ULBP2: variants seen among roughly 807,000 people sequenced by gnomAD.
The protein encoded by ULBP2 is UL16 binding protein 2, also known as UL16-binding protein 2.
ULBP2 carries 21 observed loss-of-function variants against 23.6 expected under a neutral mutation model. The ratio of observed to expected loss-of-function variants is 0.89; its 90% CI spans 0.63 to 1.28. ULBP2 has a LOEUF of 1.28. Ranked by LOEUF, ULBP2 falls within the 50% of genes most tolerant of loss-of-function variation. The probability of loss-of-function intolerance (pLI) is 0.00; values close to 1 mark genes in which losing one functional copy is unlikely to be tolerated. For synonymous variants in ULBP2, 82 were observed against 112.8 expected, an observed-to-expected ratio of 0.73 and a Z score of 1.73; for missense variants, 251 against 306.0, an observed-to-expected ratio of 0.82 and a Z score of 1.34.
At chr6:149,942,189 G>A (rs750824231) in intron 1 of ULBP2, 32 bp downstream of exon 1, 1 of 1,606,618 alleles carries the variant, frequency 6.2e-7, no homozygotes, top group African/African-American at 1.3e-5. Context: ...AAGCCGGGCG[G>A]GGACCAAGCC....
At chr6:149,945,799 G>A (rs1332819751) in intron 2 of ULBP2, among the ~76,000 whole-genome samples, 5 of 152,160 alleles carry the variant, frequency 3.3e-5, no homozygotes, top group African/African-American at 1.2e-4. Context: ...AAATTAGCCA[G>A]GCATGGTGGC....
chr6:149,942,224 T>C (rs1217408393), intron 1 of ULBP2, 67 bp downstream of exon 1: 1 of 1,530,852 alleles, frequency 6.5e-7, no homozygotes, highest in Non-Finnish European at 8.8e-7. Flanking sequence ...CTGCCGCGGG[T>C]TTCAGAGGAG....
chr6:149,943,474 G>A (rs1470612385), intron 1 of ULBP2, among the ~76,000 whole-genome samples: 4 of 152,124 alleles, frequency 2.6e-5, no homozygotes, highest in East Asian at 1.9e-4. Flanking sequence ...GTGCAGCCAC[G>A]TGGTGTCCTG....
Position 149,945,423 on chromosome 6 carries a change from G to A in ULBP2, c.200G>A (p.Gly67Asp), listed in dbSNP as rs137925921. ...DEKTFLHYDC[G>D]NKTVTPVSPL... ...AAGACTTTTCTTCACTATGACTGTGGCAACAAGACAGTCACACCTGTCAGT... is the reference window on the plus strand; with the variant it reads ...AAGACTTTTCTTCACTATGACTGTGACAACAAGACAGTCACACCTGTCAGT... The change falls in exon 2 of 5, where the codon GGC becomes GAC. Residue 67 changes from glycine to aspartate, a missense_variant. Gly to Asp is a moderately conservative substitution (Grantham distance 94). Transcript: ENST00000367351. 7.5e-5 allele frequency: 121 copies of A among 1,613,906 alleles called. No individual in the cohort carries two copies. In the African/African-American group the frequency reaches 1.3e-3, roughly 17 times the overall value.
intron 1 of ULBP2, among the ~76,000 whole-genome samples, chr6:149,944,572 G>A: frequency 7.6e-6 from 1 of 132,202 alleles, no homozygotes; most frequent in African/African-American, 3.3e-5. Context: ...CCTTCTCATG[G>A]GGCCTTCTTT....
At chr6:149,942,509 G>C (rs1778878635) in intron 1 of ULBP2, among the ~76,000 whole-genome samples, 1 of 152,094 alleles carries the variant, frequency 6.6e-6, no homozygotes. Context: ...CTGGGGACAG[G>C]ACAGGGGTGA....
At chr6:149,944,922 C>T (rs1778911362) in intron 1 of ULBP2, among the ~76,000 whole-genome samples, 1 of 145,834 alleles carries the variant, frequency 6.9e-6, no homozygotes, top group Non-Finnish European at 1.5e-5. Context: ...CAGGGGTGGA[C>T]CCACACCCTC....
intron 2 of ULBP2, 81 bp downstream of exon 2, chr6:149,945,653 C>T: frequency 6.2e-7 from 1 of 1,611,608 alleles, no homozygotes; most frequent in East Asian, 2.2e-5. Context: ...TGTAAAAATA[C>T]AAAAGGGTCC....
intron 4 of ULBP2, among the ~76,000 whole-genome samples, chr6:149,947,666 T>G (rs1314387884): frequency 2.6e-5 from 4 of 152,024 alleles, no homozygotes; most frequent in Non-Finnish European, 5.9e-5. Flanking sequence ...ACCTTCAGAG[T>G]CCAGAGGGAA....
chr6:149,945,079 G>T (rs1778914094), intron 1 of ULBP2, among the ~76,000 whole-genome samples: 1 of 151,432 alleles, frequency 6.6e-6, no homozygotes, highest in South Asian at 2.1e-4. Flanking sequence ...GACATGTCTG[G>T]GGACATGTGG....
At chr6:149,942,203 A>G (rs78097417) in intron 1 of ULBP2, 46 bp downstream of exon 1, 92,634 of 1,589,620 alleles carry the variant, frequency 0.058, 6,243 homozygotes, top group East Asian at 0.33. Context: ...CCAAGCCTGG[A>G]GGGCTGTGAA....
rs560689813 is a variant in ULBP2 at position 149,948,876 on chromosome 6, T to C, written c.*176T>C. 13 of 400,676 alleles carry C rather than the reference T, an allele frequency of 3.2e-5. No homozygotes were observed. The highest frequency in any genetic ancestry group is 1.8e-4 in the Admixed American group (6 of 34,152). 24.8% of individuals were successfully genotyped at this position (400,676 alleles called of 1,614,324 possible). On this transcript the variant is annotated 3_prime_UTR_variant, in exon 5 of 5. Coordinates refer to ENST00000367351, the MANE Select transcript of ULBP2 (RefSeq NM_025217.4). Reference sequence around the variant, plus strand: ...CCCAATAGCTCATTCACTGCCTTGATTCCTTTTGCCAACAATTTTACCAGC... The same window carrying C: ...CCCAATAGCTCATTCACTGCCTTGACTCCTTTTGCCAACAATTTTACCAGC...
At chr6:149,945,913 C>G (rs1323724225) in intron 2 of ULBP2, among the ~76,000 whole-genome samples, 1 of 139,478 alleles carries the variant, frequency 7.2e-6, no homozygotes, top group Non-Finnish European at 1.5e-5. Flanking sequence ...TGCACTCCAG[C>G]CTGGGCAACA....
At chr6:149,946,967 TTTTCC>T (rs1474131334) in intron 3 of ULBP2, among the ~76,000 whole-genome samples, 1 of 152,158 alleles carries the variant, frequency 6.6e-6, no homozygotes, top group Non-Finnish European at 1.5e-5. Context: ...TGAGAATCAC[TTTTCC>T]TTTCCTTTCC....
chr6:149,943,516 T>C (rs1778894868), intron 1 of ULBP2, among the ~76,000 whole-genome samples: 1 of 152,140 alleles, frequency 6.6e-6, no homozygotes, highest in African/African-American at 2.4e-5. Flanking sequence ...TGCAGCTTCT[T>C]GGTTCCCGGT....
intron 1 of ULBP2, among the ~76,000 whole-genome samples, chr6:149,942,627 G>C (rs1159369009): frequency 1.3e-5 from 2 of 151,434 alleles, no homozygotes; most frequent in Admixed American, 6.6e-5. Flanking sequence ...CCAGGGCTGC[G>C]TGCCCTTGAA....
intron 1 of ULBP2, among the ~76,000 whole-genome samples, chr6:149,942,869 C>T (rs184847473): frequency 6.6e-6 from 1 of 152,156 alleles, no homozygotes; most frequent in Non-Finnish European, 1.5e-5. Context: ...AGCAAACACA[C>T]CCCAAGCTCC....
Position 149,942,090 on chromosome 6 carries a change from T to C in ULBP2, c.18T>C (p.Ala6=), listed in dbSNP as rs757854470. The C allele has an allele frequency of 1.9e-6, 3 of 1,613,334 alleles. No homozygotes were observed. The highest frequency in any genetic ancestry group is 4.5e-5 in the East Asian group (2 of 44,868). The part of the protein sequence containing the change: MAAAA[A]TKILLCLPLL... ...GGTCCTTAATGGCAGCAGCCGCCGC[T>C]ACCAAGATCCTTCTGTGCCTCCCGC... Residue 6 remains alanine (A), a synonymous_variant, in exon 1 of 5, where the codon GCT becomes GCC. Coordinates refer to ENST00000367351, the MANE Select transcript of ULBP2 (RefSeq NM_025217.4).
intron 4 of ULBP2, among the ~76,000 whole-genome samples, chr6:149,947,905 G>A (rs1326029595): frequency 6.6e-6 from 1 of 152,184 alleles, no homozygotes; most frequent in Non-Finnish European, 1.5e-5. Context: ...AGATCTGGGT[G>A]TAATCCCAGG....
Sources: gnomAD v4.1 joint callset for allele counts (sites outside exome capture counted in the v4.1 genomes callset) on GRCh38, gnomAD v4.1.1 for gene constraint, MANE v1.5 for transcripts, NCBI Gene and HGNC (gene_info 2026-07-23, HGNC 2026-07-21) for gene names.